Variants in SHISA9 observed in about 807,000 individuals in gnomAD.
The protein encoded by SHISA9 is protein shisa-9.
A neutral mutation model predicts 38.0 loss-of-function variants in SHISA9; 13 were observed. The observed-to-expected ratio is 0.34, with a 90% confidence interval of 0.22 to 0.54. SHISA9 has a LOEUF of 0.54. SHISA9 is among the 20% of genes least tolerant of loss of function. The pLI is 0.91. For missense variants in SHISA9, 538 were observed against 575.8 expected (o/e 0.93, Z 0.67); for synonymous variants, 275 against 242.0 (o/e 1.14, Z -1.27).
At chr16:13,321,324 C>T in the SHISA9 span, among the ~76,000 whole-genome samples, 1 of 152,162 alleles carries the variant, frequency 6.6e-6, no homozygotes, top group East Asian at 1.9e-4. Context: ...GAGCCGGTGA[C>T]AAATAGCATG....
At chr16:13,043,238 G>A (rs1181047816) in intron 2 of SHISA9, among the ~76,000 whole-genome samples, 1 of 152,114 alleles carries the variant, frequency 6.6e-6, no homozygotes, top group Non-Finnish European at 1.5e-5. Flanking sequence ...TCCCGTGGGA[G>A]GTCTCAACAG....
In SHISA9 at chr16:13,237,623, C is replaced by T. The variant is rs1006167090; in HGVS notation, c.*2214C>T. 5 of 144,702 alleles carry T rather than the reference C, an allele frequency of 3.5e-5. No homozygotes were observed. Among genetic ancestry groups the T allele is most frequent in the African/African-American group, 1.3e-4 (5 of 39,244 alleles). 9.0% of individuals were successfully genotyped at this position (144,702 alleles called of 1,614,324 possible). A position where few individuals can be genotyped will look rare whatever the true frequency, so the allele number is the denominator to read the frequency against. On this transcript the variant is annotated 3_prime_UTR_variant, in exon 5 of 5. Coordinates refer to ENST00000558583, the MANE Select transcript of SHISA9 (RefSeq NM_001145204.3). ...AGTGAGCTGAGACCACACCACTGCCCTCTAGCCTGGGTGACGGAGTGAGAC... is the reference window on the plus strand; with the variant it reads ...AGTGAGCTGAGACCACACCACTGCCTTCTAGCCTGGGTGACGGAGTGAGAC...
chr16:13,092,150 A>G (rs1282056286), intron 2 of SHISA9, among the ~76,000 whole-genome samples: 2 of 152,228 alleles, frequency 1.3e-5, no homozygotes, highest in Non-Finnish European at 2.9e-5. Flanking sequence ...AACAGCAAAT[A>G]TTGCAGAACA....
At chr16:13,362,419 C>A in the SHISA9 span, among the ~76,000 whole-genome samples, 4 of 152,134 alleles carry the variant, frequency 2.6e-5, no homozygotes, top group East Asian at 1.9e-4. Context: ...CAGAGGGAGA[C>A]CCTGTCTCAG....
intron 2 of SHISA9, among the ~76,000 whole-genome samples, chr16:12,932,137 C>T (rs754483162): frequency 6.6e-6 from 1 of 152,138 alleles, no homozygotes; most frequent in Non-Finnish European, 1.5e-5. Flanking sequence ...GCTTCCCCAG[C>T]CATGTGGAGC....
At chr16:13,082,514 G>A (rs928205702) in intron 2 of SHISA9, 1 of 152,104 alleles carries the variant, frequency 6.6e-6, no homozygotes, top group African/African-American at 2.4e-5. Flanking sequence ...TGTCTCTGCA[G>A]GTACCTCCTT....
chr16:13,522,326 G>T, the SHISA9 span, among the ~76,000 whole-genome samples: 2 of 152,178 alleles, frequency 1.3e-5, no homozygotes, highest in Admixed American at 1.3e-4. Context: ...GCATATTTCT[G>T]AGTTAACATG....
the SHISA9 span, among the ~76,000 whole-genome samples, chr16:13,422,761 A>G: frequency 6.6e-6 from 1 of 152,100 alleles, no homozygotes; most frequent in Non-Finnish European, 1.5e-5. Context: ...ACAACAAACA[A>G]TTGGGTTAAA....
the SHISA9 span, among the ~76,000 whole-genome samples, chr16:13,292,027 CT>C: frequency 3.3e-5 from 5 of 151,548 alleles, no homozygotes; most frequent in Admixed American, 6.6e-5. Flanking sequence ...TATTTTTCCT[CT>C]TTTTTTTGTA....
intron 1 of SHISA9, among the ~76,000 whole-genome samples, chr16:12,903,630 G>T (rs1332428773): frequency 6.6e-6 from 1 of 152,244 alleles, no homozygotes; most frequent in Non-Finnish European, 1.5e-5. Flanking sequence ...GCTGGGGGTT[G>T]GCGTGAGGTC....
the SHISA9 span, among the ~76,000 whole-genome samples, chr16:13,451,653 G>A: frequency 6.6e-6 from 1 of 152,150 alleles, no homozygotes; most frequent in East Asian, 1.9e-4. Flanking sequence ...GAGGAATCAT[G>A]GAGGACAAAG....
chr16:13,245,271 G>A (rs2142099113), downstream of SHISA9, among the ~76,000 whole-genome samples: 1 of 152,278 alleles, frequency 6.6e-6, no homozygotes, highest in African/African-American at 2.4e-5. Flanking sequence ...AGAGGCCAGT[G>A]AAAGTAAAGA....
At chr16:13,471,805 A>G in the SHISA9 span, among the ~76,000 whole-genome samples, 1 of 152,192 alleles carries the variant, frequency 6.6e-6, no homozygotes, top group Non-Finnish European at 1.5e-5. Flanking sequence ...CAGATAAGCA[A>G]AAGTCACTGT....
At chr16:13,471,226 A>T in the SHISA9 span, among the ~76,000 whole-genome samples, 1 of 152,126 alleles carries the variant, frequency 6.6e-6, no homozygotes, top group Non-Finnish European at 1.5e-5. Flanking sequence ...CTGACAGTGC[A>T]GCATGGAACT....
chr16:13,235,108 A>T lies in SHISA9; in HGVS notation c.974A>T (p.His325Leu). 4.5e-6 allele frequency: 7 copies of T among 1,551,248 alleles called. No individual in the cohort carries two copies. Among genetic ancestry groups the T allele is most frequent in the Non-Finnish European group, 6.1e-6 (7 of 1,146,878 alleles). ...GCTGCCAAGGGGAACTTACCTCTGC[A>T]CCCCGTAAGAGTGGAGGACGAGCCC... ...ELAAKGNLPL[H>L]PVRVEDEPRA... The change falls in exon 5 of 5, where the codon CAC becomes CTC. Residue 325 changes from histidine (H) to leucine (L), a missense_variant. Transcript: ENST00000558583.
chr16:13,231,495 C>T (rs2051331373), intron 4 of SHISA9, among the ~76,000 whole-genome samples: 1 of 152,204 alleles, frequency 6.6e-6, no homozygotes. Flanking sequence ...CATGACATTT[C>T]AGGAATGTGT....
At chr16:13,153,726 C>T (rs1411268301) in intron 2 of SHISA9, among the ~76,000 whole-genome samples, 1 of 152,154 alleles carries the variant, frequency 6.6e-6, no homozygotes, top group African/African-American at 2.4e-5. Flanking sequence ...TTCTCTGGAG[C>T]ATGAGAAAAT....
the SHISA9 span, among the ~76,000 whole-genome samples, chr16:13,386,094 A>G: frequency 6.6e-6 from 1 of 152,216 alleles, no homozygotes; most frequent in Non-Finnish European, 1.5e-5. Context: ...ACCTACACAT[A>G]ATAAAAGTGC....
the SHISA9 span, among the ~76,000 whole-genome samples, chr16:13,257,422 G>C: frequency 6.6e-6 from 1 of 152,182 alleles, no homozygotes; most frequent in Non-Finnish European, 1.5e-5. Context: ...GCATTAAGTA[G>C]CTAACATTCA....
Sources: allele counts gnomAD v4.1 joint callset (sites outside exome capture counted in the v4.1 genomes callset), GRCh38; gene constraint gnomAD v4.1.1; transcripts MANE v1.5; gene names NCBI Gene and HGNC (gene_info 2026-07-23, HGNC 2026-07-21).